The following PDE11A variants were observed in gnomAD, a reference collection of about 807,000 sequenced individuals.
The protein encoded by PDE11A is phosphodiesterase 11A.
A neutral mutation model predicts 100.5 loss-of-function variants in PDE11A; 100 were observed. The observed-to-expected ratio is 1.00, with a 90% CI of 0.85 to 1.18. The LOEUF is 1.18. PDE11A is among the 50% of genes most tolerant of loss of function. The pLI, the probability that PDE11A is intolerant of heterozygous loss-of-function variation, is 0.00. For synonymous variants in PDE11A, 381 were observed against 420.8 expected, an observed-to-expected ratio of 0.91 and a Z score of 1.16; for missense variants, 1,141 against 1,152.6, an observed-to-expected ratio of 0.99 and a Z score of 0.15.
At chr2:177,938,002 C>A (rs908504874) in intron 2 of PDE11A, among the ~76,000 whole-genome samples, 3 of 152,106 alleles carry the variant, frequency 2.0e-5, no homozygotes, top group Non-Finnish European at 2.9e-5. Context: ...CAATATTTTT[C>A]TTTGACCTCC....
At chr2:177,833,871 C>T (rs1007601715) in intron 6 of PDE11A, among the ~76,000 whole-genome samples, 4 of 152,194 alleles carry the variant, frequency 2.6e-5, no homozygotes, top group Non-Finnish European at 4.4e-5. Flanking sequence ...ACAAGTGTTA[C>T]ACCAGATGTT....
At chr2:177,963,272 A>G (rs2085658001) in intron 2 of PDE11A, among the ~76,000 whole-genome samples, 1 of 152,132 alleles carries the variant, frequency 6.6e-6, no homozygotes, top group Admixed American at 6.5e-5. Context: ...CTTCAGGATG[A>G]GCTCTATACG....
chr2:177,800,033 T>G (rs1033100363), intron 9 of PDE11A, among the ~76,000 whole-genome samples: 1 of 152,012 alleles, frequency 6.6e-6, no homozygotes, highest in Non-Finnish European at 1.5e-5. Context: ...GGTTGGGAAG[T>G]GAGAACAATG....
intron 1 of PDE11A, among the ~76,000 whole-genome samples, chr2:178,048,592 C>A (rs1380141286): frequency 6.6e-6 from 1 of 152,112 alleles, no homozygotes; most frequent in South Asian, 2.1e-4. Context: ...TCCCTTTAAT[C>A]CTTGGGAGTC....
At chr2:177,842,495 G>A (rs548160459) in intron 5 of PDE11A, among the ~76,000 whole-genome samples, 1 of 152,220 alleles carries the variant, frequency 6.6e-6, no homozygotes, top group African/African-American at 2.4e-5. Context: ...AGGCTCAAAG[G>A]TGAGGCCTTG....
intron 12 of PDE11A, among the ~76,000 whole-genome samples, chr2:177,714,478 T>A (rs191704261): frequency 3.7e-4 from 57 of 152,264 alleles, no homozygotes; most frequent in Admixed American, 1.2e-3. Flanking sequence ...ATGAGAAAAC[T>A]GAGTCACAGA....
chr2:177,921,378 A>G (rs1210055927), intron 2 of PDE11A, among the ~76,000 whole-genome samples: 2 of 151,694 alleles, frequency 1.3e-5, no homozygotes, highest in African/African-American at 2.4e-5. Context: ...TTACCCAGAG[A>G]CACATTTCCT....
intron 1 of PDE11A, among the ~76,000 whole-genome samples, chr2:178,045,922 A>G (rs1386735401): frequency 1.3e-5 from 2 of 152,228 alleles, no homozygotes; most frequent in African/African-American, 4.8e-5. Context: ...ACATGTGAAC[A>G]GAACCTGAAT....
Position 177,629,482 on chromosome 2 carries a change from G to A in PDE11A, c.2727C>T (p.His909=), listed in dbSNP as rs779648449. Residue 909 remains histidine (H), a synonymous_variant, in exon 20 of 20, where the codon CAC becomes CAT. Transcript: ENST00000286063. Reference sequence around the variant, plus strand: ...CAGTTGAGGCCAGCAGTCGTTTTTGGTGTAGCTCTTCCCACTTACTTCTGT... The same window carrying A: ...CAGTTGAGGCCAGCAGTCGTTTTTGATGTAGCTCTTCCCACTTACTTCTGT... ...ATNRSKWEEL[H]QKRLLASTAS... 6.2e-7 allele frequency: 1 copy of A among 1,613,676 alleles called. No individual in the cohort carries two copies. The highest frequency in any genetic ancestry group is 1.7e-5 in the Admixed American group (1 of 60,012).
chr2:178,032,450 C>T (rs540370897), intron 1 of PDE11A, among the ~76,000 whole-genome samples: 2 of 150,658 alleles, frequency 1.3e-5, no homozygotes, highest in African/African-American at 4.9e-5. Flanking sequence ...CATCACCGCA[C>T]TCTAGCCTGG....
At chr2:177,935,658 A>T (rs998658053) in intron 2 of PDE11A, among the ~76,000 whole-genome samples, 3 of 152,098 alleles carry the variant, frequency 2.0e-5, no homozygotes, top group Non-Finnish European at 2.9e-5. Context: ...TCCTTGGGGG[A>T]AGGAGCAACC....
intron 9 of PDE11A, 96 bp from the exon 10 acceptor site, chr2:177,769,469 C>A: frequency 1.4e-6 from 1 of 727,942 alleles, no homozygotes; most frequent in South Asian, 1.5e-5. Context: ...TTATGTATAT[C>A]ACCTTGATTT....
At chr2:177,864,471 A>G (rs997729191) in intron 5 of PDE11A, among the ~76,000 whole-genome samples, 1 of 152,216 alleles carries the variant, frequency 6.6e-6, no homozygotes, top group African/African-American at 2.4e-5. Context: ...CCTTAAATAT[A>G]CATAATAAAA....
At chr2:178,071,494 C>T in intron 1 of PDE11A, 32 bp downstream of exon 1, 2 of 1,612,756 alleles carry the variant, frequency 1.2e-6, no homozygotes, top group East Asian at 2.2e-5. Context: ...GCCAATGGGG[C>T]TCTGGGAGAA....
chr2:177,971,199 C>T (rs2085765804), intron 2 of PDE11A, among the ~76,000 whole-genome samples: 1 of 152,192 alleles, frequency 6.6e-6, no homozygotes, highest in African/African-American at 2.4e-5. Context: ...AAGACAGCAG[C>T]TATGCATGTG....
At chr2:177,964,238 T>A (rs2573082) in intron 2 of PDE11A, among the ~76,000 whole-genome samples, 101,199 of 151,678 alleles carry the variant, frequency 0.67, 35,388 homozygotes, top group African/African-American at 0.87. Context: ...CAACCTCAAG[T>A]TTTATTTTTA....
At chr2:177,663,767 T>TA (rs2080523669) in intron 19 of PDE11A, 99 bp downstream of exon 19, 1 of 773,758 alleles carries the variant, frequency 1.3e-6, no homozygotes, top group Non-Finnish European at 2.3e-6. Context: ...GCAATGTGCA[T>TA]ACCCTGGAAA....
intron 5 of PDE11A, among the ~76,000 whole-genome samples, chr2:177,847,130 A>G (rs2083614192): frequency 6.6e-6 from 1 of 152,020 alleles, no homozygotes; most frequent in African/African-American, 2.4e-5. Context: ...TGCCAGCCCT[A>G]GATGTAACCC....
intron 9 of PDE11A, among the ~76,000 whole-genome samples, chr2:177,777,355 A>G (rs1363184653): frequency 6.6e-6 from 1 of 152,192 alleles, no homozygotes; most frequent in Non-Finnish European, 1.5e-5. Context: ...AAGGAAATAT[A>G]AAAAAAGTAA....
Sources: allele counts gnomAD v4.1 joint callset (sites outside exome capture counted in the v4.1 genomes callset), GRCh38; gene constraint gnomAD v4.1.1; transcripts MANE v1.5; gene names NCBI Gene and HGNC (gene_info 2026-07-23, HGNC 2026-07-21).